Variants in PLPPR1 observed in about 807,000 individuals in gnomAD.
PLPPR1 encodes the protein phospholipid phosphatase related 1, also known as phospholipid phosphatase-related protein type 1.
In PLPPR1, 10 loss-of-function variants were observed where a neutral mutation model predicts 33.1. The ratio of observed to expected loss-of-function variants is 0.30; its 90% CI spans 0.19 to 0.51. The LOEUF is 0.51. Ranked by LOEUF, PLPPR1 falls within the 20% of genes least tolerant of loss-of-function variation. The pLI, the probability that PLPPR1 is intolerant of heterozygous loss-of-function variation, is 0.97. For missense variants in PLPPR1, 304 were observed against 408.1 expected (o/e 0.74, Z 2.20); for synonymous variants, 151 against 151.0 (o/e 1.00, Z 0.00).
intron 1 of PLPPR1, among the ~76,000 whole-genome samples, 182 bp downstream of exon 1, chr9:101,029,284 G>A (rs1829910388): frequency 6.6e-6 from 1 of 152,184 alleles, no homozygotes; most frequent in Non-Finnish European, 1.5e-5. Context: ...ACCCAGGGAG[G>A]GTCGCCTCCT....
At chr9:101,076,890 T>C (rs1830545080) in intron 1 of PLPPR1, among the ~76,000 whole-genome samples, 1 of 152,230 alleles carries the variant, frequency 6.6e-6, no homozygotes, top group South Asian at 2.1e-4. Context: ...CTTCCACTAC[T>C]CACATTTGCC....
In PLPPR1 at chr9:101,291,453, C is replaced by T. The variant is rs531319432; in HGVS notation, c.385+5217C>T. Among the ~76,000 whole-genome samples, 11 of 152,310 alleles carry T rather than the reference C, an allele frequency of 7.2e-5. No homozygotes were observed. In the East Asian group the frequency reaches 2.1e-3, roughly 29 times the overall value. ...AAAGAGCAGTGGTTCTCCCAGCACG[C>T]AGCTGGAGATCTGAGAATGGGCAGA... is the stretch of plus-strand genomic sequence containing the variant. On this transcript the variant is annotated intron_variant, in intron 4 of 7. Transcript: ENST00000374874.
At chr9:101,153,638 A>G (rs1333097402) in intron 1 of PLPPR1, among the ~76,000 whole-genome samples, 1 of 152,116 alleles carries the variant, frequency 6.6e-6, no homozygotes, top group Admixed American at 6.5e-5. Flanking sequence ...GCAGTGGCAC[A>G]ATGTTGGCTC....
intron 1 of PLPPR1, among the ~76,000 whole-genome samples, chr9:101,120,832 C>T (rs1831170835): frequency 6.6e-6 from 1 of 152,196 alleles, no homozygotes; most frequent in East Asian, 1.9e-4. Flanking sequence ...GTGACTTTTT[C>T]TTCCTATTAC....
intron 4 of PLPPR1, among the ~76,000 whole-genome samples, chr9:101,294,177 T>C (rs1828574655): frequency 6.6e-6 from 1 of 151,644 alleles, no homozygotes. Flanking sequence ...CAAACACCTC[T>C]ATGCAAATAA....
intron 1 of PLPPR1, among the ~76,000 whole-genome samples, chr9:101,157,542 G>A (rs889496812): frequency 5.3e-5 from 8 of 152,074 alleles, no homozygotes; most frequent in Non-Finnish European, 8.8e-5. Flanking sequence ...AATTACCCAG[G>A]ATAAGCATAT....
chr9:101,216,305 G>A (rs1363773165), intron 2 of PLPPR1, among the ~76,000 whole-genome samples: 2 of 152,176 alleles, frequency 1.3e-5, no homozygotes, highest in Admixed American at 6.5e-5. Flanking sequence ...AAATGTAACC[G>A]TTGGCCATTT....
chr9:101,184,017 G>A (rs550848405), intron 1 of PLPPR1, among the ~76,000 whole-genome samples: 11 of 151,710 alleles, frequency 7.3e-5, no homozygotes, highest in African/African-American at 2.7e-4. Flanking sequence ...TAAATTCTAA[G>A]ATATTTGGGT....
intron 6 of PLPPR1, among the ~76,000 whole-genome samples, chr9:101,316,872 A>C (rs934145768): frequency 2.0e-5 from 3 of 152,162 alleles, no homozygotes; most frequent in Non-Finnish European, 4.4e-5. Context: ...TAGTATAGGG[A>C]TATGATTTAA....
intron 3 of PLPPR1, among the ~76,000 whole-genome samples, chr9:101,283,871 GA>G (rs913977393): frequency 4.4e-4 from 66 of 151,582 alleles, no homozygotes; most frequent in African/African-American, 1.5e-3. Flanking sequence ...ACAAATATAT[GA>G]AAAAAAATGC....
At chr9:101,282,480 G>GT (rs1828322816) in intron 3 of PLPPR1, among the ~76,000 whole-genome samples, 2 of 152,292 alleles carry the variant, frequency 1.3e-5, no homozygotes, top group South Asian at 2.1e-4. Context: ...AAAGTTGAAA[G>GT]TTTTTTCTCT....
intron 2 of PLPPR1, among the ~76,000 whole-genome samples, chr9:101,208,969 G>T (rs567148936): frequency 6.6e-6 from 1 of 152,200 alleles, no homozygotes; most frequent in African/African-American, 2.4e-5. Flanking sequence ...GAGTGTATTG[G>T]GCAAGAAAGG....
At chr9:101,043,780 C>T (rs1183602172) in intron 1 of PLPPR1, among the ~76,000 whole-genome samples, 3 of 152,006 alleles carry the variant, frequency 2.0e-5, no homozygotes, top group Non-Finnish European at 1.5e-5. Context: ...GAAGTGTTCC[C>T]TTTTCACCGC....
Position 101,053,584 on chromosome 9 carries a change from G to A in PLPPR1, c.-46+24482G>A, listed in dbSNP as rs540155727. 3.3e-5 allele frequency among the ~76,000 whole-genome samples: 5 copies of A among 152,234 alleles called. No homozygotes were observed. The South Asian group carries it at 1.0e-3, about 32-fold the overall frequency. On this transcript the variant is annotated intron_variant, in intron 1 of 7. Transcript: ENST00000374874. ...GGGTATTCATGTCCCTGCTCTGGGA[G>A]GAATGATAATTCCTCGGCCTACCTT...
At chr9:101,071,500 T>C (rs1830481653) in intron 1 of PLPPR1, among the ~76,000 whole-genome samples, 2 of 152,022 alleles carry the variant, frequency 1.3e-5, no homozygotes, top group Admixed American at 1.3e-4. Flanking sequence ...CCAGACATAG[T>C]GTCAGCTCCA....
chr9:101,136,191 C>T lies in PLPPR1; in HGVS notation c.-45-49259C>T, dbSNP rs569515685. Reference sequence around the variant, plus strand: ...AGGAATTAGTGGGGAATAATTATCTCATCTTCTCTTTCACCATTTATTACC... The same window carrying T: ...AGGAATTAGTGGGGAATAATTATCTTATCTTCTCTTTCACCATTTATTACC... On this transcript the variant is annotated intron_variant, in intron 1 of 7. Coordinates refer to ENST00000374874, the MANE Select transcript of PLPPR1 (RefSeq NM_207299.2). Among the ~76,000 whole-genome samples the T allele has an allele frequency of 3.3e-5, 5 of 152,314 alleles. No individual in the cohort carries two copies. In the South Asian group the frequency reaches 1.0e-3, roughly 32 times the overall value.
chr9:101,198,299 A>G (rs1826434615), intron 2 of PLPPR1, among the ~76,000 whole-genome samples: 1 of 151,950 alleles, frequency 6.6e-6, no homozygotes, highest in Non-Finnish European at 1.5e-5. Context: ...AAAAGCATAG[A>G]CTCTTAGAGC....
At chr9:101,065,712 A>G (rs1408936525) in intron 1 of PLPPR1, among the ~76,000 whole-genome samples, 1 of 152,084 alleles carries the variant, frequency 6.6e-6, no homozygotes, top group Non-Finnish European at 1.5e-5. Flanking sequence ...GGAAATCCTT[A>G]ATCAAATGTG....
At chr9:101,204,246 T>C (rs2118754262) in intron 2 of PLPPR1, among the ~76,000 whole-genome samples, 1 of 152,294 alleles carries the variant, frequency 6.6e-6, no homozygotes, top group South Asian at 2.1e-4. Context: ...TGGAGATTTG[T>C]AGGGCTCACC....
Sources: allele counts gnomAD v4.1 joint callset (sites outside exome capture counted in the v4.1 genomes callset), GRCh38; gene constraint gnomAD v4.1.1; transcripts MANE v1.5; gene names NCBI Gene and HGNC (gene_info 2026-07-23, HGNC 2026-07-21).